ADAMTS17: variants seen among roughly 807,000 people sequenced by gnomAD.
ADAMTS17 encodes the protein A disintegrin and metalloproteinase with thrombospondin motifs 17.
Under a neutral mutation model 141.5 loss-of-function variants are expected in ADAMTS17, and 113 were observed. The ratio of observed to expected loss-of-function variants is 0.80; its 90% CI spans 0.69 to 0.93. The LOEUF is 0.93. Ranked by LOEUF, ADAMTS17 falls within the 40% of genes least tolerant of loss-of-function variation. The pLI, the probability that ADAMTS17 is intolerant of heterozygous loss-of-function variation, is 0.00. For synonymous variants in ADAMTS17, 768 were observed against 630.6 expected (o/e 1.22, Z -3.27); for missense variants, 1,659 against 1,517.9 (o/e 1.09, Z -1.54).
chr15:100,250,869 A>G (rs537575105), intron 7 of ADAMTS17, among the ~76,000 whole-genome samples: 1 of 152,314 alleles, frequency 6.6e-6, no homozygotes, highest in South Asian at 2.1e-4. Flanking sequence ...GGCAATGATC[A>G]TGACTGTATA....
chr15:100,282,237 T>C (rs2044309841), intron 3 of ADAMTS17, among the ~76,000 whole-genome samples: 1 of 152,232 alleles, frequency 6.6e-6, no homozygotes, highest in African/African-American at 2.4e-5. Flanking sequence ...TTGATAGTTA[T>C]TTCCATGTTA....
chr15:100,063,759 C>T (rs1360381139), intron 15 of ADAMTS17: 1 of 1,289,932 alleles, frequency 7.8e-7, no homozygotes, highest in African/African-American at 1.5e-5. Flanking sequence ...TTCGATATAA[C>T]CTGTAGCAAC....
At chr15:100,064,013 GC>G (rs908170726) in intron 15 of ADAMTS17, among the ~76,000 whole-genome samples, 2 of 152,002 alleles carry the variant, frequency 1.3e-5, no homozygotes, top group East Asian at 3.9e-4. Context: ...TTCTAACTGG[GC>G]CCCCCCTTCA....
rs182205283 is a variant in ADAMTS17, at chr15:100,019,517, C to T, written c.2592-21928G>A. 1.6e-3 allele frequency among the ~76,000 whole-genome samples: 241 copies of T among 152,286 alleles called. 2 individuals carry two copies. Among genetic ancestry groups the T allele is most frequent in the African/African-American group, 5.3e-3 (220 of 41,554 alleles). On this transcript the variant is annotated intron_variant, in intron 18 of 21. Coordinates refer to ENST00000268070, the MANE Select transcript of ADAMTS17 (RefSeq NM_139057.4). ...CTATAGTCAGGCTGGTATGTACTAACTGACCTTGGCTGCAGTGAGTGGTTG... is the reference window on the plus strand; with the variant it reads ...CTATAGTCAGGCTGGTATGTACTAATTGACCTTGGCTGCAGTGAGTGGTTG...
intron 18 of ADAMTS17, among the ~76,000 whole-genome samples, chr15:100,016,135 T>C (rs2061284486): frequency 1.3e-5 from 2 of 152,252 alleles, no homozygotes; most frequent in South Asian, 4.1e-4. Flanking sequence ...TACTTTCTTC[T>C]ACTAGTTCAA....
At chr15:100,158,254 G>C (rs1158872126) in intron 8 of ADAMTS17, among the ~76,000 whole-genome samples, 1 of 152,038 alleles carries the variant, frequency 6.6e-6, no homozygotes, top group Non-Finnish European at 1.5e-5. Context: ...TTACTTTTGG[G>C]TGAGCAACAG....
chr15:100,230,230 C>T (rs183245447), intron 7 of ADAMTS17, among the ~76,000 whole-genome samples: 4 of 152,206 alleles, frequency 2.6e-5, no homozygotes, highest in Admixed American at 6.5e-5. Context: ...CCGCGGTGCA[C>T]GAAAGCCACA....
chr15:99,999,814 C>T lies in ADAMTS17; in HGVS notation c.2592-2225G>A, dbSNP rs1056776239. On this transcript the variant is annotated intron_variant, in intron 18 of 21. Transcript: ENST00000268070. ...TGGTCTGAACCAACTGGGGTGGCGC[C>T]GGCATCTCTGGCGCTGAGAAGACAG... Among the ~76,000 whole-genome samples the T allele has an allele frequency of 8.5e-5, 13 of 152,110 alleles. No homozygotes were observed. In the East Asian group the frequency reaches 1.7e-3, roughly 20 times the overall value.
Position 99,976,100 on chromosome 15 carries a change from G to C in ADAMTS17, c.3072C>G (p.Tyr1024Ter), listed in dbSNP as rs2060319651. ...LSKPAPYRQC[Y>*]QEVCNDRINA... ...TGATCCTGTCGTTGCAGACCTCCTG[G>C]TAGCACTGTCTGTAGGGGGCAGGCT... The change falls in exon 21 of 22, where the codon TAC (tyrosine) becomes TAG (stop). Residue 1024 changes from tyrosine to a stop codon, truncating the protein, a stop_gained. Coordinates refer to ENST00000268070, the MANE Select transcript of ADAMTS17 (RefSeq NM_139057.4). LOFTEE classifies it high-confidence loss of function. 2 of 1,551,546 alleles carry C rather than the reference G, an allele frequency of 1.3e-6. No individual in the cohort carries two copies. The highest frequency in any genetic ancestry group is 1.4e-5 in the African/African-American group (1 of 73,078).
Position 100,261,509 on chromosome 15 carries a change from G to C in ADAMTS17, c.1001C>G (p.Pro334Arg). 7 of 1,614,116 alleles carry C rather than the reference G, an allele frequency of 4.3e-6. No homozygotes were observed. Among genetic ancestry groups the C allele is most frequent in the Non-Finnish European group, 5.9e-6 (7 of 1,180,036 alleles). ...CACAAACACGGCAGCATCCACCAGGGGCGGGTCGTCCTTCCCGCCGGGAAC... is the reference window on the plus strand; with the variant it reads ...CACAAACACGGCAGCATCCACCAGGCGCGGGTCGTCCTTCCCGCCGGGAAC... ...NQVPGGKDDP[P>R]LVDAAVFVTR... Residue 334 changes from proline to arginine, a missense_variant, in exon 6 of 22, where the codon CCC (proline) becomes CGC (arginine). Pro to Arg is a moderately radical substitution (Grantham distance 103). Coordinates refer to ENST00000268070, the MANE Select transcript of ADAMTS17 (RefSeq NM_139057.4).
chr15:100,211,268 C>T (rs1362429731), intron 7 of ADAMTS17, among the ~76,000 whole-genome samples: 2 of 144,672 alleles, frequency 1.4e-5, no homozygotes, highest in Non-Finnish European at 3.0e-5. Flanking sequence ...TTCACTCCAG[C>T]CCGGGCAATA....
intron 3 of ADAMTS17, 100 bp downstream of exon 3, chr15:100,330,789 G>A: frequency 6.8e-7 from 1 of 1,463,890 alleles, no homozygotes; most frequent in Middle Eastern, 2.1e-4. Context: ...TATAGGGGAA[G>A]GTAAGTTCTC....
chr15:100,079,123 C>A (rs11853411), intron 15 of ADAMTS17, among the ~76,000 whole-genome samples: 23,758 of 152,072 alleles, frequency 0.16, 3,589 homozygotes, highest in African/African-American at 0.4. Context: ...AAAGTGGTGC[C>A]GCCACTTTGG....
At chr15:100,282,474 C>T (rs141447156) in intron 3 of ADAMTS17, among the ~76,000 whole-genome samples, 160 of 152,262 alleles carry the variant, frequency 1.1e-3, no homozygotes, top group African/African-American at 3.4e-3. Flanking sequence ...CCTACGATGA[C>T]GTGTCATTTA....
chr15:100,186,462 T>C (rs1378364084), intron 8 of ADAMTS17, among the ~76,000 whole-genome samples: 4 of 152,226 alleles, frequency 2.6e-5, no homozygotes, highest in African/African-American at 9.6e-5. Flanking sequence ...AACAACTTCA[T>C]GGACTCTGAA....
chr15:100,301,168 T>C (rs560505087), intron 3 of ADAMTS17, among the ~76,000 whole-genome samples: 65 of 152,348 alleles, frequency 4.3e-4, no homozygotes, highest in African/African-American at 1.5e-3. Flanking sequence ...GCTTAAATCT[T>C]TACCTGTGCT....
chr15:100,212,984 G>A (rs1255185520), intron 7 of ADAMTS17, among the ~76,000 whole-genome samples: 1 of 152,032 alleles, frequency 6.6e-6, no homozygotes, highest in Non-Finnish European at 1.5e-5. Flanking sequence ...GCCTGTAATT[G>A]TAAATAATAT....
chr15:100,090,863 C>T (rs1157795425), intron 15 of ADAMTS17, among the ~76,000 whole-genome samples: 1 of 66,240 alleles, frequency 1.5e-5, no homozygotes, highest in East Asian at 4.0e-4. Context: ...AAAAAATTAG[C>T]CAGGTTTGGT....
intron 7 of ADAMTS17, among the ~76,000 whole-genome samples, chr15:100,205,987 ATCCCTGC>A (rs1307846681): frequency 2.6e-5 from 4 of 152,132 alleles, no homozygotes; most frequent in African/African-American, 9.7e-5. Context: ...GCACCCACTG[ATCCCTGC>A]TCCTCCCTCT....
Sources: gnomAD v4.1 joint callset for allele counts (sites outside exome capture counted in the v4.1 genomes callset) on GRCh38, gnomAD v4.1.1 for gene constraint, MANE v1.5 for transcripts, NCBI Gene and HGNC (gene_info 2026-07-23, HGNC 2026-07-21) for gene names.